CHRM2: variants seen among roughly 807,000 people sequenced by gnomAD.
The protein encoded by CHRM2 is muscarinic acetylcholine receptor M2.
A neutral mutation model predicts 25.0 loss-of-function variants in CHRM2; 8 were observed. The ratio of observed to expected loss-of-function variants is 0.32; its 90% CI spans 0.19 to 0.58. The LOEUF (loss-of-function observed/expected upper bound fraction) is 0.58, where lower values mean the gene tolerates loss of function less well. Among genes scored for constraint, CHRM2 ranks in the 20% least tolerant of loss-of-function variants. The pLI, the probability that CHRM2 is intolerant of heterozygous loss-of-function variation, is 0.88. For synonymous variants in CHRM2, 202 were observed against 205.7 expected (o/e 0.98, Z 0.15); for missense variants, 440 against 567.1 (o/e 0.78, Z 2.28).
At chr7:136,954,005 T>A (rs570570607) in intron 2 of CHRM2, among the ~76,000 whole-genome samples, 3 of 152,004 alleles carry the variant, frequency 2.0e-5, no homozygotes, top group Non-Finnish European at 4.4e-5. Flanking sequence ...TGAATCTAGG[T>A]AGAGGAATGG....
At chr7:136,997,328 T>G (rs1803671047) in intron 3 of CHRM2, among the ~76,000 whole-genome samples, 1 of 152,184 alleles carries the variant, frequency 6.6e-6, no homozygotes, top group Non-Finnish European at 1.5e-5. Flanking sequence ...ATATTGATAC[T>G]CTTCACTGTT....
At chr7:136,872,131 C>T (rs1431724228) in intron 2 of CHRM2, among the ~76,000 whole-genome samples, 1 of 152,134 alleles carries the variant, frequency 6.6e-6, no homozygotes, top group Non-Finnish European at 1.5e-5. Context: ...TTTTGGGACT[C>T]CAAATTCCCA....
At chr7:136,949,531 G>A (rs1800272507) in intron 2 of CHRM2, among the ~76,000 whole-genome samples, 1 of 151,578 alleles carries the variant, frequency 6.6e-6, no homozygotes, top group Non-Finnish European at 1.5e-5. Context: ...TGGAGGCTGA[G>A]GTGGGAGGAT....
At chr7:136,969,427 A>G (rs1057160327) in intron 2 of CHRM2, among the ~76,000 whole-genome samples, 2 of 152,056 alleles carry the variant, frequency 1.3e-5, no homozygotes, top group East Asian at 1.9e-4. Flanking sequence ...TCTGATTTTT[A>G]TGTCTCCAAA....
At chr7:136,963,921 T>C (rs1389229999) in intron 2 of CHRM2, among the ~76,000 whole-genome samples, 10 of 152,198 alleles carry the variant, frequency 6.6e-5, no homozygotes, top group African/African-American at 2.4e-5. Context: ...GACACCCTTG[T>C]CTTTTGGTGG....
intron 3 of CHRM2, among the ~76,000 whole-genome samples, chr7:137,001,549 C>T (rs1804034856): frequency 3.9e-5 from 6 of 152,124 alleles, no homozygotes; most frequent in Admixed American, 3.9e-4. Flanking sequence ...TCCTTCCCAA[C>T]AGCCAAATAT....
chr7:136,986,471 T>C (rs1802860372), intron 2 of CHRM2, among the ~76,000 whole-genome samples: 1 of 152,204 alleles, frequency 6.6e-6, no homozygotes, highest in South Asian at 2.1e-4. Flanking sequence ...GTGTATAAAC[T>C]GAATCTGCAA....
chr7:136,876,426 G>A (rs564329219), intron 2 of CHRM2, among the ~76,000 whole-genome samples: 68 of 152,132 alleles, frequency 4.5e-4, no homozygotes, highest in African/African-American at 1.6e-3. Context: ...CAAATGCCCT[G>A]ATGTTTCCAA....
At chr7:136,876,660 T>C (rs2130479998) in intron 2 of CHRM2, among the ~76,000 whole-genome samples, 1 of 152,178 alleles carries the variant, frequency 6.6e-6, no homozygotes, top group Middle Eastern at 3.4e-3. Context: ...GGATCTACAT[T>C]TTTAAGATTA....
intron 2 of CHRM2, among the ~76,000 whole-genome samples, chr7:136,965,146 G>A (rs1801332500): frequency 6.6e-6 from 1 of 152,092 alleles, no homozygotes; most frequent in South Asian, 2.1e-4. Flanking sequence ...AAATAATAGA[G>A]ATTATGGTGT....
chr7:136,976,434 T>C (rs1802107777), intron 2 of CHRM2, among the ~76,000 whole-genome samples: 2 of 152,128 alleles, frequency 1.3e-5, no homozygotes, highest in South Asian at 4.1e-4. Context: ...CAATACTCTA[T>C]GATGTATGTA....
At chr7:136,987,907 T>C (rs750044251) in intron 2 of CHRM2, among the ~76,000 whole-genome samples, 11 of 152,174 alleles carry the variant, frequency 7.2e-5, no homozygotes, top group Non-Finnish European at 1.2e-4. Context: ...CATATTTTTA[T>C]AAGCAAATAG....
chr7:136,890,228 G>A (rs987237457), intron 2 of CHRM2, among the ~76,000 whole-genome samples: 1 of 152,126 alleles, frequency 6.6e-6, no homozygotes, highest in Non-Finnish European at 1.5e-5. Flanking sequence ...TATCCTGAAG[G>A]TAACTAAAAT....
intron 2 of CHRM2, among the ~76,000 whole-genome samples, chr7:136,951,588 T>C (rs1800416599): frequency 6.6e-6 from 1 of 152,166 alleles, no homozygotes. Flanking sequence ...GGTTGGCATA[T>C]GGGAAGAGGA....
At chr7:136,923,619 A>G (rs1391185865) in intron 2 of CHRM2, among the ~76,000 whole-genome samples, 3 of 152,234 alleles carry the variant, frequency 2.0e-5, no homozygotes, top group African/African-American at 7.2e-5. Flanking sequence ...TCCACACACT[A>G]AAATCTCAAC....
intron 2 of CHRM2, among the ~76,000 whole-genome samples, chr7:136,975,989 G>T (rs1802079953): frequency 6.6e-6 from 1 of 152,160 alleles, no homozygotes; most frequent in Non-Finnish European, 1.5e-5. Context: ...GCTATGTTCA[G>T]ATAAGGTATT....
At chr7:136,950,843 T>A (rs531469047) in intron 2 of CHRM2, among the ~76,000 whole-genome samples, 1 of 152,060 alleles carries the variant, frequency 6.6e-6, no homozygotes, top group South Asian at 2.1e-4. Context: ...AGAGAGAGAA[T>A]CTTGCTCTGT....
intron 2 of CHRM2, among the ~76,000 whole-genome samples, chr7:136,958,113 A>G (rs1800831242): frequency 6.6e-6 from 1 of 152,176 alleles, no homozygotes; most frequent in African/African-American, 2.4e-5. Context: ...GAATTTGGCA[A>G]ATTATTACCA....
At chr7:136,889,308 G>T (rs1366581297) in intron 2 of CHRM2, among the ~76,000 whole-genome samples, 1 of 152,058 alleles carries the variant, frequency 6.6e-6, no homozygotes, top group Non-Finnish European at 1.5e-5. Flanking sequence ...TTATGTAAGG[G>T]TCATTTGACT....
Sources: gnomAD v4.1 joint callset for allele counts (sites outside exome capture counted in the v4.1 genomes callset) on GRCh38, gnomAD v4.1.1 for gene constraint, MANE v1.5 for transcripts, NCBI Gene and HGNC (gene_info 2026-07-23, HGNC 2026-07-21) for gene names.